The following WWOX variants were observed in gnomAD, a reference collection of about 807,000 sequenced individuals.
WWOX encodes WW domain containing oxidoreductase.
In WWOX, 69 loss-of-function variants were observed where a neutral mutation model predicts 46.2. The ratio of observed to expected loss-of-function variants is 1.49; its 90% confidence interval spans 1.23 to 1.82. WWOX has a LOEUF of 1.82. WWOX is among the 40% of genes most tolerant of loss of function. WWOX has a pLI of 0.00. For missense variants in WWOX, 919 were observed against 542.6 expected (o/e 1.69, Z -6.89); for synonymous variants, 359 against 202.6 (o/e 1.77, Z -6.56).
At chr16:79,003,415 G>A (rs1031186429) in intron 8 of WWOX, among the ~76,000 whole-genome samples, 4 of 152,100 alleles carry the variant, frequency 2.6e-5, no homozygotes, top group South Asian at 2.1e-4. Flanking sequence ...GGCCTCTTCC[G>A]CTTATCTATT....
chr16:79,010,606 G>T (rs2047284350), intron 8 of WWOX, among the ~76,000 whole-genome samples: 2 of 152,078 alleles, frequency 1.3e-5, no homozygotes, highest in African/African-American at 4.8e-5. Flanking sequence ...TGAGAAGGCA[G>T]GGAGTGGTAT....
chr16:78,421,549 C>G (rs535545441), intron 6 of WWOX, among the ~76,000 whole-genome samples: 2 of 152,084 alleles, frequency 1.3e-5, no homozygotes, highest in African/African-American at 2.4e-5. Flanking sequence ...TTCACAGATC[C>G]CTACCATTCA....
intron 8 of WWOX, among the ~76,000 whole-genome samples, chr16:78,475,197 G>C (rs2084324289): frequency 6.6e-6 from 1 of 152,170 alleles, no homozygotes; most frequent in Non-Finnish European, 1.5e-5. Context: ...TTCTGCTTTA[G>C]AAATCATAAT....
At chr16:79,074,990 A>T (rs1057000622) in intron 8 of WWOX, among the ~76,000 whole-genome samples, 1 of 152,232 alleles carries the variant, frequency 6.6e-6, no homozygotes, top group Admixed American at 6.5e-5. Flanking sequence ...ACTTCTACAC[A>T]TTCGACTATT....
chr16:78,106,804 A>G (rs2151663446), intron 1 of WWOX, among the ~76,000 whole-genome samples: 1 of 152,296 alleles, frequency 6.6e-6, no homozygotes, highest in East Asian at 1.9e-4. Flanking sequence ...CGTAGCTGGT[A>G]CAAGGTTTTA....
chr16:78,494,618 A>C (rs2084865863), intron 8 of WWOX, among the ~76,000 whole-genome samples: 1 of 152,168 alleles, frequency 6.6e-6, no homozygotes, highest in African/African-American at 2.4e-5. Flanking sequence ...TGTGAACCCC[A>C]CACAGGTACC....
At chr16:78,911,433 G>C (rs1183966185) in intron 8 of WWOX, among the ~76,000 whole-genome samples, 1 of 151,970 alleles carries the variant, frequency 6.6e-6, no homozygotes, top group Non-Finnish European at 1.5e-5. Context: ...CCTGACTTTT[G>C]TGGAGACATT....
At chr16:78,334,747 C>G (rs1379389704) in intron 5 of WWOX, among the ~76,000 whole-genome samples, 1 of 150,656 alleles carries the variant, frequency 6.6e-6, no homozygotes, top group Non-Finnish European at 1.5e-5. Flanking sequence ...GAGAAATTTC[C>G]AAAGAATTAA....
rs1020050155 is a variant in WWOX, at chr16:78,688,329, T to A, written c.1056+255577T>A. Among the ~76,000 whole-genome samples, 6 of 151,430 alleles carry A rather than the reference T, an allele frequency of 4.0e-5. No individual in the cohort carries two copies. In the East Asian group the frequency reaches 5.8e-4, roughly 15 times the overall value. On this transcript the variant is annotated intron_variant, in intron 8 of 8. Transcript: ENST00000566780. ...ATAGGAAAATTTTCTGAGAGAAAAT[T>A]CACGAGATCATTCATGATGAGTCAC... is the stretch of plus-strand genomic sequence containing the variant.
chr16:78,372,430 T>A (rs1160250454), intron 5 of WWOX, among the ~76,000 whole-genome samples: 1 of 152,170 alleles, frequency 6.6e-6, no homozygotes, highest in Non-Finnish European at 1.5e-5. Flanking sequence ...ATCTCCATTT[T>A]CAAAAGAAAA....
At chr16:78,237,241 A>ACC (rs2037472535) in intron 5 of WWOX, 1 of 152,192 alleles carries the variant, frequency 6.6e-6, no homozygotes, top group African/African-American at 2.4e-5. Context: ...TGTAATGGAA[A>ACC]TGAGAAGTTT....
chr16:79,006,929 C>G (rs1405055698), intron 8 of WWOX, among the ~76,000 whole-genome samples: 1 of 152,180 alleles, frequency 6.6e-6, no homozygotes, highest in African/African-American at 2.4e-5. Context: ...TCATCTTCCT[C>G]TTTTAAGATC....
rs941286514 is a variant in WWOX at position 78,230,228 on chromosome 16, G to C, written c.516+65939G>C. On this transcript the variant is annotated intron_variant, in intron 5 of 8. Transcript: ENST00000566780. ...TCAATCCATCTAATACGCAGTGCCA[G>C]GGAAGGTTTGTGAAAACATTTGAAT... is the stretch of plus-strand genomic sequence containing the variant. Among the ~76,000 whole-genome samples, 5 of 152,178 alleles carry C rather than the reference G, an allele frequency of 3.3e-5. No homozygotes were observed. The East Asian group carries it at 5.8e-4, about 18-fold the overall frequency.
chr16:78,914,167 C>A (rs562788737), intron 8 of WWOX, among the ~76,000 whole-genome samples: 1 of 152,178 alleles, frequency 6.6e-6, no homozygotes, highest in African/African-American at 2.4e-5. Flanking sequence ...ATTTCTCTAT[C>A]CCATAACTCT....
chr16:78,956,565 T>C (rs1437948250), intron 8 of WWOX, among the ~76,000 whole-genome samples: 2 of 151,868 alleles, frequency 1.3e-5, no homozygotes, highest in African/African-American at 4.8e-5. Context: ...TTCACAGACA[T>C]GGAATGACAT....
chr16:79,107,504 C>T (rs571307736), intron 8 of WWOX, among the ~76,000 whole-genome samples: 2 of 152,290 alleles, frequency 1.3e-5, no homozygotes, highest in Non-Finnish European at 2.9e-5. Context: ...GGCATACTGC[C>T]CAAGCACAGT....
intron 8 of WWOX, among the ~76,000 whole-genome samples, chr16:78,529,593 A>C (rs535276768): frequency 4.6e-5 from 7 of 152,008 alleles, no homozygotes; most frequent in African/African-American, 1.7e-4. Context: ...CAGCCTCCTG[A>C]GTAGCTGGGA....
chr16:78,529,320 C>A (rs1011578450), intron 8 of WWOX, among the ~76,000 whole-genome samples: 2 of 152,120 alleles, frequency 1.3e-5, no homozygotes, highest in African/African-American at 4.8e-5. Flanking sequence ...TTATCAAATG[C>A]ATTCTCACAT....
chr16:78,820,123 G>T (rs968107842), intron 8 of WWOX, among the ~76,000 whole-genome samples: 2 of 152,142 alleles, frequency 1.3e-5, no homozygotes, highest in African/African-American at 4.8e-5. Context: ...TGGCACTCTA[G>T]TAGGCTCTCA....
Sources: gnomAD v4.1 joint callset for allele counts (sites outside exome capture counted in the v4.1 genomes callset) on GRCh38, gnomAD v4.1.1 for gene constraint, MANE v1.5 for transcripts, NCBI Gene and HGNC (gene_info 2026-07-23, HGNC 2026-07-21) for gene names.